The following KIAA0408 variants were observed in gnomAD, a reference collection of about 807,000 sequenced individuals.
The protein encoded by KIAA0408 is KIAA0408.
Under a neutral mutation model 60.9 loss-of-function variants are expected in KIAA0408, and 51 were observed. That is an observed-to-expected ratio of 0.84 (90% CI 0.67 to 1.06). The LOEUF (loss-of-function observed/expected upper bound fraction) is 1.06, where lower values mean the gene tolerates loss of function less well. KIAA0408 is among the 50% of genes least tolerant of loss of function. The pLI, the probability that KIAA0408 is intolerant of heterozygous loss-of-function variation, is 0.00. For synonymous variants in KIAA0408, 304 were observed against 282.4 expected (o/e 1.08, Z -0.77); for missense variants, 787 against 833.9 (o/e 0.94, Z 0.69).
In KIAA0408 at chr6:127,444,025, A is replaced by G. The variant is rs997210987; in HGVS notation, c.*84T>C. 1.6e-6 allele frequency: 2 copies of G among 1,286,144 alleles called. No individual in the cohort carries two copies. The highest frequency in any genetic ancestry group is 4.9e-5 in the East Asian group (2 of 40,718). 79.7% of individuals were successfully genotyped at this position (1,286,144 alleles called of 1,614,324 possible). ...GATTCAAATTGCTTGTCGGAAGAGA[A>G]CAGGTCCGCCTGTAAACACTCAGAA... On this transcript the variant is annotated 3_prime_UTR_variant, in exon 6 of 6. Coordinates refer to ENST00000483725, the MANE Select transcript of KIAA0408 (RefSeq NM_014702.5).
Position 127,450,041 on chromosome 6 carries a change from G to T in KIAA0408, c.447C>A (p.Asp149Glu). 1 of 1,614,060 alleles carries T rather than the reference G, an allele frequency of 6.2e-7. No individual in the cohort carries two copies. Among genetic ancestry groups the T allele is most frequent in the Non-Finnish European group, 8.5e-7 (1 of 1,179,984 alleles). Residue 149 changes from aspartate (D) to glutamate (E), a missense_variant, in exon 3 of 6, where the codon GAC becomes GAA. By Grantham distance (45) the Asp-to-Glu change is conservative. Around this residue, in one of 3 missense-constraint regions of KIAA0408, gnomAD observed 640 missense variants for 681.3 expected, o/e 0.94. Coordinates refer to ENST00000483725, the MANE Select transcript of KIAA0408 (RefSeq NM_014702.5). ...TGCTGTCTTCCTCAGAAGTCCTCAG[G>T]TCAGGCCAGGCCTCACATTCCTTTT... ...DNQKECEAWP[D>E]LRTSEEDSKS...
At chr6:127,454,148 G>A in intron 1 of KIAA0408, 47 bp from the exon 2 acceptor site, 2 of 1,278,724 alleles carry the variant, frequency 1.6e-6, no homozygotes, top group Non-Finnish European at 2.0e-6. Context: ...TGTGCTTTCT[G>A]GAAATATATT....
chr6:127,447,117 G>C lies in KIAA0408; in HGVS notation c.1202C>G (p.Ser401Cys), dbSNP rs772449495. Residue 401 changes from serine to cysteine, a missense_variant, in exon 5 of 6, where the codon TCT (serine) becomes TGT (cysteine). This residue lies in a region of KIAA0408 where 640 missense variants were observed against 681.3 expected (regional missense o/e 0.94). Transcript: ENST00000483725. ...EMVIPDHPAK[S>C]HPDLHVSNDC... is the part of the protein sequence containing the mutation. ...ATTACTTACATGAAGATCAGGATGAGATTTAGCAGGGTGATCTGGGATCAC... is the reference window on the plus strand; with the variant it reads ...ATTACTTACATGAAGATCAGGATGACATTTAGCAGGGTGATCTGGGATCAC... The C allele has an allele frequency of 7.4e-6, 12 of 1,613,924 alleles. No individual in the cohort carries two copies. The highest frequency in any genetic ancestry group is 1.0e-5 in the Non-Finnish European group (12 of 1,179,962).
In KIAA0408 at chr6:127,439,627, T is replaced by C. The variant is rs1046994734; in HGVS notation, c.*4482A>G. The C allele has an allele frequency of 8.2e-4, 119 of 145,656 alleles. 2 individuals are homozygous for C. Among genetic ancestry groups the C allele is most frequent in the African/African-American group, 2.9e-3 (116 of 39,450 alleles). 9.0% of individuals were successfully genotyped at this position (145,656 alleles called of 1,614,324 possible). A position where few individuals can be genotyped will look rare whatever the true frequency, so the allele number is the denominator to read the frequency against. ...GAGCTGTTCAATCTTTTTTTTTTTT[T>C]GTCTTCTCTTCCTTGGGAAAAGAAG... On this transcript the variant is annotated 3_prime_UTR_variant, in exon 6 of 6. Coordinates refer to ENST00000483725, the MANE Select transcript of KIAA0408 (RefSeq NM_014702.5).
At chr6:127,456,717 TGTC>T (rs1300068005) in intron 1 of KIAA0408, among the ~76,000 whole-genome samples, 4 of 152,044 alleles carry the variant, frequency 2.6e-5, no homozygotes, top group Non-Finnish European at 5.9e-5. Flanking sequence ...ATCTCAGTCT[TGTC>T]GTAAATATAA....
Position 127,446,908 on chromosome 6 carries a change from C to G in KIAA0408, c.1411G>C (p.Asp471His). 6.2e-7 allele frequency: 1 copy of G among 1,614,054 alleles called. No individual in the cohort carries two copies. Among genetic ancestry groups the G allele is most frequent in the South Asian group, 1.1e-5 (1 of 91,058 alleles). ...GATGAGGTATCACAGGGCTTGAGAT[C>G]CTCCGATGATTTTGAGCAGCTGTGA... Reference protein sequence around the residue: ...QNHSCSKSSEDLKPCDTSSTH... With the variant: ...QNHSCSKSSEHLKPCDTSSTH... Residue 471 changes from aspartate to histidine, a missense_variant, in exon 5 of 6, where the codon GAT becomes CAT. Transcript: ENST00000483725.
At position 127,447,344 on chromosome 6, in the gene KIAA0408, T is replaced by G. The variant is rs1466716518; in HGVS notation, c.975A>C (p.Pro325=). ...LRQQEMSMLY[P]NEGKTSKDGI... is the part of the protein sequence containing the mutation. ...CATCTTTCGAAGTTTTCCCTTCATT[T>G]GGATACAACATAGACATCTCTTGTT... The change falls in exon 5 of 6, where the codon CCA becomes CCC. Residue 325 remains proline, a synonymous_variant. Transcript: ENST00000483725. The G allele has an allele frequency of 6.2e-7, 1 of 1,612,998 alleles. No individual in the cohort carries two copies. The highest frequency in any genetic ancestry group is 1.3e-5 in the African/African-American group (1 of 74,868).
chr6:127,447,413 C>G lies in KIAA0408; in HGVS notation c.906G>C (p.Glu302Asp). 6.2e-7 allele frequency: 1 copy of G among 1,613,734 alleles called. No individual in the cohort carries two copies. The highest frequency in any genetic ancestry group is 8.5e-7 in the Non-Finnish European group (1 of 1,179,862). Residue 302 changes from glutamate (E) to aspartate (D), a missense_variant, in exon 5 of 6, where the codon GAG (glutamate) becomes GAC (aspartate). By Grantham distance (45) the Glu-to-Asp change is conservative. Coordinates refer to ENST00000483725, the MANE Select transcript of KIAA0408 (RefSeq NM_014702.5). ...RLDHNSWVPH[E>D]GRSKRNYNPH... ...GGTTGTAATTCCTTTTACTTCGACC[C>G]TCATGGGGCACCCAGCTGTTGTGGT...
In KIAA0408 at chr6:127,450,202, T is replaced by C. The variant is rs1477579141; in HGVS notation, c.286A>G (p.Asn96Asp). 4 of 1,613,978 alleles carry C rather than the reference T, an allele frequency of 2.5e-6. No homozygotes were observed. The African/African-American group carries it at 4.0e-5, about 16-fold the overall frequency. The change falls in exon 3 of 6, where the codon AAT (asparagine) becomes GAT (aspartate). Residue 96 changes from asparagine to aspartate, a missense_variant. Asn to Asp is a conservative substitution (Grantham distance 23, BLOSUM62 1). Around this residue, in one of 3 missense-constraint regions of KIAA0408, gnomAD observed 640 missense variants for 681.3 expected, o/e 0.94. Transcript: ENST00000483725. ...TCTTTTCTCAGACCATCTTTGTGAT[T>C]CGTCCTTATAAATTCACTTTGTCCT... ...DLGQSEFIRTNHKDGLRKENK... is the reference protein window; with the variant it reads ...DLGQSEFIRTDHKDGLRKENK...
Position 127,441,877 on chromosome 6 carries a change from G to T in KIAA0408, c.*2232C>A, listed in dbSNP as rs1466325429. On this transcript the variant is annotated 3_prime_UTR_variant, in exon 6 of 6. Transcript: ENST00000483725. ...TTTCTCAGCTCTAACTATAATTTTA[G>T]TCAACATAAGAAGACGTTAAAATGT... The T allele has an allele frequency of 1.3e-5, 2 of 151,916 alleles. No homozygotes were observed. The highest frequency in any genetic ancestry group is 3.9e-4 in the East Asian group (2 of 5,174). 9.4% of individuals were successfully genotyped at this position (151,916 alleles called of 1,614,324 possible). A position where few individuals can be genotyped will look rare whatever the true frequency, so the allele number is the denominator to read the frequency against.
intron 4 of KIAA0408, among the ~76,000 whole-genome samples, chr6:127,449,195 C>T (rs1773254396): frequency 6.6e-6 from 1 of 152,056 alleles, no homozygotes; most frequent in Non-Finnish European, 1.5e-5. Context: ...CTTTCATTGT[C>T]CAAATGCTCA....
rs1773083496 is a variant in KIAA0408 at position 127,440,240 on chromosome 6, T to C, written c.*3869A>G. Reference sequence around the variant, plus strand: ...ACTTGTCTGAAGAACTCATCCCCAATTTTTGCCTTTTTTGCTTTGCAAAGC... The same window carrying C: ...ACTTGTCTGAAGAACTCATCCCCAACTTTTGCCTTTTTTGCTTTGCAAAGC... On this transcript the variant is annotated 3_prime_UTR_variant, in exon 6 of 6. Transcript: ENST00000483725. 1 of 152,088 alleles carries C rather than the reference T, an allele frequency of 6.6e-6. No homozygotes were observed. Among genetic ancestry groups the C allele is most frequent in the Admixed American group, 6.6e-5 (1 of 15,256 alleles). The allele number at this position is 152,088 out of a possible 1,614,324, so 9.4% of individuals were successfully genotyped here.
chr6:127,454,020 C>T lies in KIAA0408; in HGVS notation c.-39G>A. The T allele has an allele frequency of 2.5e-6, 4 of 1,584,644 alleles. No homozygotes were observed. The highest frequency in any genetic ancestry group is 1.2e-5 in the South Asian group (1 of 84,582). ...GTGTCAGCAAAGAAGTGTTTCTGCT[C>T]TTCTCTGCCTCCTCTTAACTGTTTC... On this transcript the variant is annotated 5_prime_UTR_variant, in exon 2 of 6. Coordinates refer to ENST00000483725, the MANE Select transcript of KIAA0408 (RefSeq NM_014702.5).
intron 5 of KIAA0408, 66 bp downstream of exon 5, chr6:127,446,342 A>G: frequency 6.5e-7 from 1 of 1,541,330 alleles, no homozygotes; most frequent in Non-Finnish European, 8.7e-7. Flanking sequence ...AATTGGACAT[A>G]TAAACATGAT....
In KIAA0408 at chr6:127,441,331, A is replaced by G. The variant is rs1003591604; in HGVS notation, c.*2778T>C. On this transcript the variant is annotated 3_prime_UTR_variant, in exon 6 of 6. Coordinates refer to ENST00000483725, the MANE Select transcript of KIAA0408 (RefSeq NM_014702.5). ...TGGGTAATTTTTGATAAAATGAATT[A>G]TACAAAGCATCATTTATATTTTTAT... 1 of 152,618 alleles carries G rather than the reference A, an allele frequency of 6.6e-6. No homozygotes were observed. The highest frequency in any genetic ancestry group is 2.4e-5 in the African/African-American group (1 of 41,450). 9.5% of individuals were successfully genotyped at this position (152,618 alleles called of 1,614,324 possible).
chr6:127,439,189 C>G lies in KIAA0408; in HGVS notation c.*4920G>C, dbSNP rs1773065700. On this transcript the variant is annotated 3_prime_UTR_variant, in exon 6 of 6. Coordinates refer to ENST00000483725, the MANE Select transcript of KIAA0408 (RefSeq NM_014702.5). ...CTGTTCTTTATAAATAACCCAGTCT[C>G]AAGTGTGTTTTGTTATAGCAGCACA... 1 of 153,834 alleles carries G rather than the reference C, an allele frequency of 6.5e-6. No individual in the cohort carries two copies. The highest frequency in any genetic ancestry group is 1.4e-5 in the Non-Finnish European group (1 of 69,348). 9.5% of individuals were successfully genotyped at this position (153,834 alleles called of 1,614,324 possible). A position where few individuals can be genotyped will look rare whatever the true frequency, so the allele number is the denominator to read the frequency against.
rs1213569367 is a variant in KIAA0408, at chr6:127,440,182, A to G, written c.*3927T>C. 6.6e-6 allele frequency: 1 copy of G among 152,184 alleles called. No individual in the cohort carries two copies. The highest frequency in any genetic ancestry group is 1.5e-5 in the Non-Finnish European group (1 of 68,024). 9.4% of individuals were successfully genotyped at this position (152,184 alleles called of 1,614,324 possible). A position where few individuals can be genotyped will look rare whatever the true frequency, so the allele number is the denominator to read the frequency against. ...AAATTATTTTCTATGATGAATATGC[A>G]TACAATAAAAATGACGAGAAATCAT... On this transcript the variant is annotated 3_prime_UTR_variant, in exon 6 of 6. Coordinates refer to ENST00000483725, the MANE Select transcript of KIAA0408 (RefSeq NM_014702.5).
At chr6:127,448,722 G>A (rs1773246947) in intron 4 of KIAA0408, among the ~76,000 whole-genome samples, 2 of 152,050 alleles carry the variant, frequency 1.3e-5, no homozygotes, top group South Asian at 4.1e-4. Context: ...GGCAAATAGA[G>A]GACAAAGTTA....
rs1408766180 is a variant in KIAA0408 at position 127,439,714 on chromosome 6, A to G, written c.*4395T>C. 2 of 152,190 alleles carry G rather than the reference A, an allele frequency of 1.3e-5. No individual in the cohort carries two copies. Among genetic ancestry groups the G allele is most frequent in the African/African-American group, 4.8e-5 (2 of 41,454 alleles). The allele number at this position is 152,190 out of a possible 1,614,324, so 9.4% of individuals were successfully genotyped here. ...CATCTATTTAACTATCATCTTCAAAAATATTTATTCTAAATATTATCTTGA... is the reference window on the plus strand; with the variant it reads ...CATCTATTTAACTATCATCTTCAAAGATATTTATTCTAAATATTATCTTGA... On this transcript the variant is annotated 3_prime_UTR_variant, in exon 6 of 6. Coordinates refer to ENST00000483725, the MANE Select transcript of KIAA0408 (RefSeq NM_014702.5).
Sources: gnomAD v4.1 joint callset for allele counts (sites outside exome capture counted in the v4.1 genomes callset) on GRCh38, gnomAD v4.1.1 for gene constraint, gnomAD v4.1.1 regional missense constraint, MANE v1.5 for transcripts, NCBI Gene and HGNC (gene_info 2026-07-23, HGNC 2026-07-21) for gene names.